Variants in SLC16A3 observed in about 807,000 individuals in gnomAD.
SLC16A3 encodes solute carrier family 16 member 3, also known as monocarboxylate transporter 4.
A neutral mutation model predicts 25.0 loss-of-function variants in SLC16A3; 22 were observed. The ratio of observed to expected loss-of-function variants is 0.88; its 90% CI spans 0.63 to 1.26. The LOEUF (loss-of-function observed/expected upper bound fraction) is 1.26. Ranked by LOEUF, SLC16A3 falls within the 50% of genes most tolerant of loss-of-function variation. The pLI, the probability that SLC16A3 is intolerant of heterozygous loss-of-function variation, is 0.00. For missense variants in SLC16A3, 731 were observed against 666.6 expected, an observed-to-expected ratio of 1.10 and a Z score of -1.06; for synonymous variants, 390 against 309.2, an observed-to-expected ratio of 1.26 and a Z score of -2.74.
chr17:82,230,782 C>CAGA (rs1411755309), intron 1 of SLC16A3: 1 of 152,190 alleles, frequency 6.6e-6, no homozygotes, highest in Non-Finnish European at 1.5e-5. Context: ...GGGGCGGGAG[C>CAGA]AGACAGAGCT....
chr17:82,219,627 C>T (rs2050376797), intron 1 of SLC16A3, among the ~76,000 whole-genome samples: 2 of 152,126 alleles, frequency 1.3e-5, no homozygotes, highest in Non-Finnish European at 2.9e-5. Flanking sequence ...GGTTCTGGGG[C>T]CCCTGCCTGG....
chr17:82,225,803 C>T (rs745872095), upstream of SLC16A3, among the ~76,000 whole-genome samples: 3 of 152,132 alleles, frequency 2.0e-5, no homozygotes, highest in South Asian at 2.1e-4. Context: ...GTGGCTCCCC[C>T]GACCCTGGAA....
chr17:82,230,109 T>TC (rs758999626), intron 1 of SLC16A3: 1 of 152,578 alleles, frequency 6.6e-6, no homozygotes, highest in Non-Finnish European at 1.5e-5. Context: ...GAGTCCAAGG[T>TC]CCCAGCTTCA....
chr17:82,223,675 G>A (rs2050402495), upstream of SLC16A3, among the ~76,000 whole-genome samples: 1 of 151,980 alleles, frequency 6.6e-6, no homozygotes, highest in African/African-American at 2.4e-5. Flanking sequence ...ACCACGTGTG[G>A]CTAATTGTTT....
chr17:82,238,190 C>A (rs375191875), intron 4 of SLC16A3, among the ~76,000 whole-genome samples: 3 of 152,250 alleles, frequency 2.0e-5, no homozygotes, highest in African/African-American at 7.2e-5. Flanking sequence ...TCCAGGCAAC[C>A]CAACAGCCGG....
intron 1 of SLC16A3, among the ~76,000 whole-genome samples, chr17:82,218,616 G>A (rs755547960): frequency 1.2e-4 from 18 of 152,306 alleles, no homozygotes; most frequent in East Asian, 1.2e-3. Context: ...CAGGGAGGCC[G>A]CACCAGGACC....
At chr17:82,220,666 G>C (rs897898748) in intron 1 of SLC16A3, among the ~76,000 whole-genome samples, 1 of 152,028 alleles carries the variant, frequency 6.6e-6, no homozygotes, top group Non-Finnish European at 1.5e-5. Flanking sequence ...TTCCACAAAA[G>C]TGCTGGGGCA....
At position 82,236,108 on chromosome 17, in the gene SLC16A3, T is replaced by C. The variant is rs778325668; in HGVS notation, c.100T>C (p.Phe34Leu). 5 of 1,613,186 alleles carry C rather than the reference T, an allele frequency of 3.1e-6. No individual in the cohort carries two copies. In the South Asian group the frequency reaches 5.5e-5, roughly 18 times the overall value. The change falls in exon 2 of 5, where the codon TTC becomes CTC. Residue 34 changes from phenylalanine (F) to leucine (L), a missense_variant. By Grantham distance (22) the Phe-to-Leu change is conservative. Coordinates refer to ENST00000582743, the MANE Select transcript of SLC16A3 (RefSeq NM_004207.4). ...VLFGCFVITG[F>L]SYAFPKAVSV... ...CTTCGGCTGTTTCGTCATCACTGGC[T>C]TCTCCTACGCCTTCCCCAAGGCCGT...
Position 82,238,750 on chromosome 17 carries a change from C to CG in SLC16A3, c.1177dup (p.Ala393GlyfsTer19). 3 of 1,612,420 alleles carry CG rather than the reference C, an allele frequency of 1.9e-6. No homozygotes were observed. The highest frequency in any genetic ancestry group is 2.5e-6 in the Non-Finnish European group (3 of 1,179,846). ...GTCTACATGTACGTGTTCATCCTGG[C>CG]GGGGGCCGAGGTGCTCACCTCCTCC... On this transcript the variant is annotated frameshift_variant, in exon 5 of 5. Coordinates refer to ENST00000582743, the MANE Select transcript of SLC16A3 (RefSeq NM_004207.4). LOFTEE classifies it low-confidence loss of function (END_TRUNC).
Position 82,238,709 on chromosome 17 carries a change from C to G in SLC16A3, c.1131C>G (p.Leu377=), listed in dbSNP as rs1254298611. The G allele has an allele frequency of 6.2e-7, 1 of 1,609,380 alleles. No homozygotes were observed. Among genetic ancestry groups the G allele is most frequent in the Non-Finnish European group, 8.5e-7 (1 of 1,178,280 alleles). The change falls in exon 5 of 5, where the codon CTC becomes CTG. Residue 377 remains leucine, a synonymous_variant. Transcript: ENST00000582743. The stretch of plus-strand genomic sequence containing the variant: ...GACGGGGTCTTCCCGCAGGCAAACT[C>G]CTGGATGCGACCCACGTCTACATGT... The part of the protein sequence containing the change: ...VLVGPPSGGK[L]LDATHVYMYV...
rs772795942 is a variant in SLC16A3 at position 82,237,665 on chromosome 17, A to G, written c.895A>G (p.Ser299Gly). The G allele has an allele frequency of 3.7e-6, 6 of 1,612,806 alleles. No homozygotes were observed. In the East Asian group the frequency reaches 1.3e-4, roughly 36 times the overall value. The change falls in exon 4 of 5, where the codon AGC becomes GGC. Residue 299 changes from serine (S) to glycine (G), a missense_variant. Ser to Gly is a moderately conservative substitution (Grantham distance 56). Coordinates refer to ENST00000582743, the MANE Select transcript of SLC16A3 (RefSeq NM_004207.4). The stretch of plus-strand genomic sequence containing the variant: ...GCGGCCCTACTCCGTCTACCTCTTC[A>G]GCTTCTCCATGTTCTTCAACGGCCT... ...KVRPYSVYLF[S>G]FSMFFNGLAD...
At chr17:82,235,605 G>A in intron 1 of SLC16A3, 1 of 272,394 alleles carries the variant, frequency 3.7e-6, no homozygotes, top group Non-Finnish European at 7.3e-6. Flanking sequence ...CAGAATCATG[G>A]TGTGCGTGGT....
At chr17:82,229,620 GACTA>G (rs1423889256) in intron 1 of SLC16A3, 1 of 152,316 alleles carries the variant, frequency 6.6e-6, no homozygotes, top group Non-Finnish European at 1.5e-5. Context: ...CTTGGGCAAT[GACTA>G]ACAGCCCGAG....
Position 82,239,405 on chromosome 17 carries a change from C to G in SLC16A3, c.*429C>G. The G allele has an allele frequency of 5.7e-6, 1 of 176,690 alleles. No individual in the cohort carries two copies. The highest frequency in any genetic ancestry group is 2.4e-3 in the Middle Eastern group (1 of 414). The allele number at this position is 176,690 out of a possible 1,614,324, so 10.9% of individuals were successfully genotyped here. A position where few individuals can be genotyped will look rare whatever the true frequency, so the allele number is the denominator to read the frequency against. On this transcript the variant is annotated 3_prime_UTR_variant, in exon 5 of 5. Transcript: ENST00000582743. Reference sequence around the variant, plus strand: ...TCACATGGGGCCTGTGCCCACCCCTCTTGAGTGTCTTGGGGACAGCTCTTT... The same window carrying G: ...TCACATGGGGCCTGTGCCCACCCCTGTTGAGTGTCTTGGGGACAGCTCTTT...
intron 1 of SLC16A3, chr17:82,235,754 G>A: frequency 1.8e-6 from 1 of 570,744 alleles, no homozygotes; most frequent in Non-Finnish European, 3.1e-6. Flanking sequence ...TTTAGAGCCA[G>A]CTGTGAGGGT....
At chr17:82,223,757 C>A (rs2050402959), upstream of SLC16A3, among the ~76,000 whole-genome samples, 1 of 152,016 alleles carries the variant, frequency 6.6e-6, no homozygotes, top group South Asian at 2.1e-4. Flanking sequence ...AGAGAGGTCC[C>A]CACACTTCTT....
At chr17:82,218,204 G>A (rs1438905867) in intron 1 of SLC16A3, among the ~76,000 whole-genome samples, 5 of 150,086 alleles carry the variant, frequency 3.3e-5, no homozygotes, top group South Asian at 2.1e-4. Context: ...CGGCCAAGGC[G>A]AGCCCAGCCT....
At chr17:82,225,804 G>A (rs186108800), upstream of SLC16A3, among the ~76,000 whole-genome samples, 4 of 152,274 alleles carry the variant, frequency 2.6e-5, no homozygotes, top group Admixed American at 2.0e-4. Flanking sequence ...TGGCTCCCCC[G>A]ACCCTGGAAG....
At chr17:82,229,010 C>G (rs1189499262), upstream of SLC16A3, 1 of 149,514 alleles carries the variant, frequency 6.7e-6, no homozygotes, top group Non-Finnish European at 1.5e-5. Flanking sequence ...GCGACCCGAG[C>G]ACTTAAAGTC....
Sources: gnomAD v4.1 joint callset for allele counts (sites outside exome capture counted in the v4.1 genomes callset) on GRCh38, gnomAD v4.1.1 for gene constraint, MANE v1.5 for transcripts, NCBI Gene and HGNC (gene_info 2026-07-23, HGNC 2026-07-21) for gene names.